Variants in BAZ2B observed in about 807,000 individuals in gnomAD.
The protein encoded by BAZ2B is bromodomain adjacent to zinc finger domain 2B, also known as bromodomain adjacent to zinc finger domain protein 2B.
BAZ2B carries 91 observed loss-of-function variants against 246.0 expected under a neutral mutation model. The observed-to-expected ratio is 0.37, with a 90% confidence interval of 0.31 to 0.44. The LOEUF (loss-of-function observed/expected upper bound fraction) is 0.44. Among genes scored for constraint, BAZ2B ranks in the 20% least tolerant of loss-of-function variants. The pLI, the probability that BAZ2B is intolerant of heterozygous loss-of-function variation, is 1.00. For synonymous variants in BAZ2B, 855 were observed against 860.0 expected, an observed-to-expected ratio of 0.99 and a Z score of 0.10; for missense variants, 2,332 against 2,533.7, an observed-to-expected ratio of 0.92 and a Z score of 1.71.
the BAZ2B span, among the ~76,000 whole-genome samples, chr2:159,630,474 A>G: frequency 9.9e-5 from 15 of 152,236 alleles, no homozygotes; most frequent in Non-Finnish European, 2.1e-4. Context: ...AGTTAACAGT[A>G]TATAGTATTC....
intron 27 of BAZ2B, 22 bp downstream of exon 27, chr2:159,373,023 G>A (rs1046108852): frequency 1.4e-5 from 22 of 1,585,514 alleles, no homozygotes; most frequent in Non-Finnish European, 1.6e-5. Context: ...TTAACAATTT[G>A]TATCGGATTA....
the BAZ2B span, among the ~76,000 whole-genome samples, chr2:159,710,391 G>C: frequency 3.3e-5 from 5 of 152,088 alleles, no homozygotes; most frequent in Admixed American, 3.3e-4. Context: ...TGTACTTTTA[G>C]TAGAGACAGG....
At chr2:159,476,269 T>A (rs982074893) in intron 3 of BAZ2B, among the ~76,000 whole-genome samples, 24 of 152,026 alleles carry the variant, frequency 1.6e-4, no homozygotes, top group African/African-American at 5.3e-4. Context: ...TAAAAAAAAA[T>A]TATTTTACCT....
At chr2:159,474,996 T>C (rs182517062) in intron 3 of BAZ2B, among the ~76,000 whole-genome samples, 312 of 152,312 alleles carry the variant, frequency 2.0e-3, no homozygotes, top group Middle Eastern at 3.4e-3. Context: ...ACATTTTTTC[T>C]TTCATTTCAA....
At chr2:159,402,810 A>C (rs890771206) in intron 16 of BAZ2B, among the ~76,000 whole-genome samples, 4 of 152,192 alleles carry the variant, frequency 2.6e-5, no homozygotes, top group African/African-American at 7.2e-5. Context: ...GCATGCAGAT[A>C]AACATGGTAA....
upstream of BAZ2B, among the ~76,000 whole-genome samples, chr2:159,621,160 T>C (rs1467331835): frequency 1.3e-5 from 2 of 152,164 alleles, no homozygotes; most frequent in East Asian, 3.8e-4. Context: ...CATAAAGTAG[T>C]CTGGAATTAA....
At chr2:159,506,405 A>G (rs933720607) in intron 2 of BAZ2B, among the ~76,000 whole-genome samples, 6 of 152,166 alleles carry the variant, frequency 3.9e-5, no homozygotes, top group African/African-American at 1.4e-4. Context: ...GAATATCCAC[A>G]AAGTTCCATT....
At chr2:159,712,364 G>A in the BAZ2B span, 2 of 152,310 alleles carry the variant, frequency 1.3e-5, no homozygotes, top group African/African-American at 4.8e-5. Flanking sequence ...GGTTCCCGCA[G>A]TCAGAGCACC....
At chr2:159,388,048 G>A (rs1449157815) in intron 21 of BAZ2B, among the ~76,000 whole-genome samples, 4 of 151,844 alleles carry the variant, frequency 2.6e-5, no homozygotes, top group Non-Finnish European at 4.4e-5. Context: ...AATGGGTGCA[G>A]CACACCAGCA....
chr2:159,316,981 AC>A (rs1171164890), downstream of BAZ2B, among the ~76,000 whole-genome samples: 17 of 149,954 alleles, frequency 1.1e-4, no homozygotes, highest in Non-Finnish European at 2.4e-4. Context: ...AGCCTGGGCG[AC>A]CGAGCAATAC....
At chr2:159,433,390 A>C (rs759463558) in intron 8 of BAZ2B, 27 bp from the exon 9 acceptor site, 15 of 1,569,730 alleles carry the variant, frequency 9.6e-6, no homozygotes, top group Non-Finnish European at 1.3e-5. Flanking sequence ...TAAAAAACAC[A>C]ACAAAATGTA....
At chr2:159,476,635 T>A (rs1367820133) in intron 3 of BAZ2B, among the ~76,000 whole-genome samples, 2 of 152,192 alleles carry the variant, frequency 1.3e-5, no homozygotes, top group Admixed American at 6.5e-5. Context: ...GAATCTGTAC[T>A]CAAGGATGCT....
chr2:159,393,561 C>T (rs558901357), intron 20 of BAZ2B, among the ~76,000 whole-genome samples: 14 of 152,248 alleles, frequency 9.2e-5, no homozygotes, highest in Middle Eastern at 3.4e-3. Flanking sequence ...CCTTTATCTG[C>T]TACCTGTTTT....
intron 2 of BAZ2B, among the ~76,000 whole-genome samples, chr2:159,492,104 T>G (rs188279204): frequency 4.6e-5 from 7 of 152,332 alleles, no homozygotes; most frequent in African/African-American, 1.7e-4. Flanking sequence ...ACTTACTTTC[T>G]CTGTATTTCC....
intron 1 of BAZ2B, among the ~76,000 whole-genome samples, chr2:159,581,482 A>T (rs1292581351): frequency 1.3e-5 from 2 of 152,180 alleles, no homozygotes; most frequent in African/African-American, 2.4e-5. Context: ...TGGGACTGTA[A>T]ACTAGTTCAA....
chr2:159,429,715 G>C (rs971266301), intron 10 of BAZ2B, among the ~76,000 whole-genome samples: 3 of 151,946 alleles, frequency 2.0e-5, no homozygotes, highest in Non-Finnish European at 2.9e-5. Flanking sequence ...ACACTACCAG[G>C]TCTTTTAATT....
At chr2:159,564,994 C>A (rs2151521248) in intron 1 of BAZ2B, among the ~76,000 whole-genome samples, 1 of 152,264 alleles carries the variant, frequency 6.6e-6, no homozygotes, top group African/African-American at 2.4e-5. Context: ...CCTCAGCCTC[C>A]CAAGTAGCTG....
intron 27 of BAZ2B, among the ~76,000 whole-genome samples, chr2:159,371,489 T>C (rs2060843911): frequency 1.3e-5 from 2 of 152,196 alleles, no homozygotes; most frequent in African/African-American, 4.8e-5. Context: ...TATCTCTAAT[T>C]TCCACTTTCC....
Position 159,348,793 on chromosome 2 carries a change from G to A in BAZ2B, c.5178C>T (p.Asp1726=), listed in dbSNP as rs781468215. The A allele has an allele frequency of 1.2e-6, 2 of 1,609,662 alleles. No homozygotes were observed. The highest frequency in any genetic ancestry group is 1.1e-5 in the South Asian group (1 of 89,594). ...GCAGCACTTTGAGCAAAGCTTTTAG[G>A]TCCTCTGGGTCAATAATTCTCCACC... ...FGWWRIIDPE[D]LKALLKVLHL... is the part of the protein sequence containing the mutation. The change falls in exon 30 of 37, where the codon GAC becomes GAT. Residue 1726 remains aspartate, a synonymous_variant. Coordinates refer to ENST00000392783, the MANE Select transcript of BAZ2B (RefSeq NM_013450.4).
Sources: allele counts gnomAD v4.1 joint callset (sites outside exome capture counted in the v4.1 genomes callset), GRCh38; gene constraint gnomAD v4.1.1; transcripts MANE v1.5; gene names NCBI Gene and HGNC (gene_info 2026-07-23, HGNC 2026-07-21).